The following OXR1 variants were observed in gnomAD, a reference collection of about 807,000 sequenced individuals.
OXR1 encodes the protein oxidation resistance protein 1.
OXR1 carries 41 observed loss-of-function variants against 104.6 expected under a neutral mutation model. The observed-to-expected ratio is 0.39, with a 90% CI of 0.31 to 0.51. The LOEUF (loss-of-function observed/expected upper bound fraction) is 0.51. OXR1 is among the 20% of genes least tolerant of loss of function. OXR1 has a pLI of 0.77. For synonymous variants in OXR1, 348 were observed against 348.4 expected (o/e 1.00, Z 0.01); for missense variants, 955 against 1,031.9 (o/e 0.93, Z 1.02).
At chr8:106,622,129 C>G (rs936955401) in intron 3 of OXR1, among the ~76,000 whole-genome samples, 1 of 152,068 alleles carries the variant, frequency 6.6e-6, no homozygotes, top group Admixed American at 6.6e-5. Flanking sequence ...TAATTCTAGG[C>G]CTTCTCTTTC....
intron 2 of OXR1, among the ~76,000 whole-genome samples, chr8:106,454,869 T>C (rs1820517916): frequency 6.6e-6 from 1 of 152,186 alleles, no homozygotes. Context: ...TTCAAGCCTT[T>C]CTTACTTCCC....
At chr8:106,474,181 A>C (rs994576655) in intron 2 of OXR1, among the ~76,000 whole-genome samples, 1 of 151,036 alleles carries the variant, frequency 6.6e-6, no homozygotes, top group African/African-American at 2.4e-5. Context: ...ACAGGGGTAA[A>C]TCTTATTTCT....
chr8:106,713,885 G>A lies in OXR1; in HGVS notation c.1856G>A (p.Gly619Asp). The change falls in exon 11 of 17, where the codon GGC becomes GAC. Residue 619 changes from glycine (G) to aspartate (D), a missense_variant. Transcript: ENST00000517566. Reference sequence around the variant, plus strand: ...CCAGAAATATATGCAGAAGATACTGGCGAATATACCAGAGAACCTGGATTT... The same window carrying A: ...CCAGAAATATATGCAGAAGATACTGACGAATATACCAGAGAACCTGGATTT... ...WSPEIYAEDTGEYTREPGFIV... is the reference protein window; with the variant it reads ...WSPEIYAEDTDEYTREPGFIV... The A allele has an allele frequency of 6.3e-7, 1 of 1,592,082 alleles. No individual in the cohort carries two copies. Among genetic ancestry groups the A allele is most frequent in the South Asian group, 1.1e-5 (1 of 87,158 alleles).
chr8:106,731,295 C>T (rs1342640316), intron 11 of OXR1, among the ~76,000 whole-genome samples: 1 of 152,088 alleles, frequency 6.6e-6, no homozygotes, highest in Non-Finnish European at 1.5e-5. Flanking sequence ...ATCTGTATTC[C>T]TTCATATATT....
intron 11 of OXR1, among the ~76,000 whole-genome samples, chr8:106,737,125 T>G (rs1804400569): frequency 6.6e-6 from 1 of 152,162 alleles, no homozygotes; most frequent in African/African-American, 2.4e-5. Flanking sequence ...CTCACCTGAT[T>G]TGGAGGGGGT....
intron 1 of OXR1, among the ~76,000 whole-genome samples, chr8:106,295,514 G>A (rs1045799167): frequency 6.6e-6 from 1 of 151,894 alleles, no homozygotes; most frequent in Non-Finnish European, 1.5e-5. Context: ...TAACTCATTA[G>A]ATAATGTTAC....
intron 2 of OXR1, among the ~76,000 whole-genome samples, chr8:106,443,872 T>A (rs10103650): frequency 0.11 from 16,628 of 152,072 alleles, 3,082 homozygotes; most frequent in African/African-American, 0.38. Flanking sequence ...GAGCTTCTGC[T>A]CAGCAAAAGA....
intron 2 of OXR1, among the ~76,000 whole-genome samples, chr8:106,458,103 T>G (rs1379823135): frequency 6.6e-6 from 1 of 152,130 alleles, no homozygotes; most frequent in Non-Finnish European, 1.5e-5. Context: ...AACTGATCAC[T>G]AAAGAGATTA....
intron 2 of OXR1, among the ~76,000 whole-genome samples, chr8:106,458,923 C>T (rs2130641598): frequency 1.3e-5 from 2 of 152,222 alleles, no homozygotes; most frequent in African/African-American, 4.8e-5. Flanking sequence ...TTCATAGGCT[C>T]ATTGCTAGAG....
intron 2 of OXR1, among the ~76,000 whole-genome samples, chr8:106,504,744 A>C (rs1313491240): frequency 6.6e-6 from 1 of 152,244 alleles, no homozygotes; most frequent in Non-Finnish European, 1.5e-5. Flanking sequence ...AAATATACTA[A>C]TGAGGATTGA....
intron 3 of OXR1, among the ~76,000 whole-genome samples, chr8:106,559,219 C>T (rs1445601877): frequency 6.6e-6 from 1 of 152,186 alleles, no homozygotes; most frequent in Non-Finnish European, 1.5e-5. Context: ...GATGGACTTT[C>T]CTCCAGCTTC....
intron 8 of OXR1, among the ~76,000 whole-genome samples, chr8:106,705,586 T>C (rs1831066794): frequency 6.6e-6 from 1 of 152,162 alleles, no homozygotes; most frequent in African/African-American, 2.4e-5. Context: ...ACTCATATAA[T>C]TTTCATTTAT....
intron 3 of OXR1, among the ~76,000 whole-genome samples, chr8:106,592,506 G>A (rs530562664): frequency 3.9e-5 from 6 of 152,138 alleles, no homozygotes; most frequent in South Asian, 2.1e-4. Context: ...ACCAAGATTC[G>A]AAACCAAGCC....
At chr8:106,738,383 T>A (rs1258053034) in intron 12 of OXR1, among the ~76,000 whole-genome samples, 1 of 152,054 alleles carries the variant, frequency 6.6e-6, no homozygotes, top group Non-Finnish European at 1.5e-5. Flanking sequence ...AATGAGTATT[T>A]AGCTTCTTGT....
intron 1 of OXR1, among the ~76,000 whole-genome samples, chr8:106,316,738 A>C (rs976233112): frequency 4.7e-5 from 6 of 129,002 alleles, no homozygotes; most frequent in African/African-American, 1.7e-4. Context: ...CTATCTATCT[A>C]TCTATCTATC....
intron 2 of OXR1, among the ~76,000 whole-genome samples, chr8:106,428,386 A>G (rs1819219639): frequency 6.6e-6 from 1 of 152,210 alleles, no homozygotes; most frequent in Non-Finnish European, 1.5e-5. Context: ...CCAACCTCTC[A>G]TTGACCTAGA....
intron 2 of OXR1, among the ~76,000 whole-genome samples, chr8:106,508,353 A>T (rs1232848448): frequency 6.6e-6 from 1 of 152,032 alleles, no homozygotes; most frequent in Non-Finnish European, 1.5e-5. Flanking sequence ...ACATTTTATA[A>T]TTTTTTTTCT....
In OXR1 at chr8:106,278,536, C is replaced by T. The variant is rs147963343; in HGVS notation, c.-139+8169C>T. 5.9e-4 allele frequency among the ~76,000 whole-genome samples: 89 copies of T among 151,950 alleles called. No individual in the cohort carries two copies. In the East Asian group the frequency reaches 0.016, roughly 26 times the overall value. On this transcript the variant is annotated intron_variant, in intron 1 of 16. Coordinates refer to ENST00000517566, the MANE Select transcript of OXR1 (RefSeq NM_001198533.2). ...TAAATGTATATTAAAAAAAAAAATTCTACATCATCCATTAGGGCTGTTGAA... is the reference window on the plus strand; with the variant it reads ...TAAATGTATATTAAAAAAAAAAATTTTACATCATCCATTAGGGCTGTTGAA...
intron 11 of OXR1, chr8:106,726,305 C>T (rs1315784192): frequency 2.7e-6 from 4 of 1,482,686 alleles, no homozygotes; most frequent in African/African-American, 2.8e-5. Context: ...CATAAATACA[C>T]TCTGGTAAAT....
Sources: gnomAD v4.1 joint callset for allele counts (sites outside exome capture counted in the v4.1 genomes callset) on GRCh38, gnomAD v4.1.1 for gene constraint, MANE v1.5 for transcripts, NCBI Gene and HGNC (gene_info 2026-07-23, HGNC 2026-07-21) for gene names.